APOB: variants seen among roughly 807,000 people sequenced by gnomAD.
The protein encoded by APOB is apolipoprotein B.
APOB carries 153 observed loss-of-function variants against 314.1 expected under a neutral mutation model. That is an observed-to-expected ratio of 0.49 (90% CI 0.43 to 0.56). The LOEUF is 0.56. APOB is among the 20% of genes least tolerant of loss of function. APOB has a pLI of 0.00. For synonymous variants in APOB, 2,087 were observed against 2,036.4 expected (o/e 1.02, Z -0.67); for missense variants, 5,430 against 5,350.7 (o/e 1.01, Z -0.46).
chr2:21,033,309 C>T lies in APOB; in HGVS notation c.1114G>A (p.Glu372Lys), dbSNP rs377139608. 4 of 1,613,880 alleles carry T rather than the reference C, an allele frequency of 2.5e-6. No individual in the cohort carries two copies. Among genetic ancestry groups the T allele is most frequent in the Non-Finnish European group, 3.4e-6 (4 of 1,179,746 alleles). ...AVTSLLPQLI[E>K]VSSPITLQAL... Reference sequence around the variant, plus strand: ...GTAACCATTAGATACCTGGACACCTCAATCAGCTGTGGCAAGAGAGATGTG... The same window carrying T: ...GTAACCATTAGATACCTGGACACCTTAATCAGCTGTGGCAAGAGAGATGTG... Residue 372 changes from glutamate (E) to lysine (K), a missense_variant, in exon 9 of 29, where the codon GAG becomes AAG. Physicochemically the swap from Glu to Lys is moderately conservative, Grantham distance 56. Around this residue, in one of 3 missense-constraint regions of APOB, gnomAD observed 2,085 missense variants for 2,079.7 expected, o/e 1.00. Coordinates refer to ENST00000233242, the MANE Select transcript of APOB (RefSeq NM_000384.3).
chr2:21,005,076 T>C lies in APOB; in HGVS notation c.11788+4A>G, dbSNP rs767778197. On this transcript the variant is annotated splice_donor_region_variant and intron_variant, in intron 26 of 28. Coordinates refer to ENST00000233242, the MANE Select transcript of APOB (RefSeq NM_000384.3). ...TCTAGGAGAGGAGGCAGGATATTTC[T>C]TACCATTTAGTTCATATTCTAGGAA... The C allele has an allele frequency of 5.6e-6, 9 of 1,613,598 alleles. No individual in the cohort carries two copies. Among genetic ancestry groups the C allele is most frequent in the Non-Finnish European group, 7.6e-6 (9 of 1,179,810 alleles).
In APOB at chr2:21,008,317, C is replaced by T; in HGVS notation, c.8551G>A (p.Glu2851Lys). Residue 2851 changes from glutamate to lysine, a missense_variant, in exon 26 of 29, where the codon GAG becomes AAG. Glu to Lys is a moderately conservative substitution (Grantham distance 56). This residue lies in a region of APOB where 3,281 missense variants were observed against 3,171.0 expected (regional missense o/e 1.03). Coordinates refer to ENST00000233242, the MANE Select transcript of APOB (RefSeq NM_000384.3). ...CTTGCCACTGTGTTTGATTTTCCCT[C>T]AATAGCATTTCCAAAAAACAGCATT... ...SEMLFFGNAI[E>K]GKSNTVASLH... 1 of 1,613,042 alleles carries T rather than the reference C, an allele frequency of 6.2e-7. No homozygotes were observed. The highest frequency in any genetic ancestry group is 8.5e-7 in the Non-Finnish European group (1 of 1,179,240).
chr2:21,005,523 T>C lies in APOB; in HGVS notation c.11345A>G (p.Asn3782Ser). Reference sequence around the variant, plus strand: ...TTTTACCTCGGGGAGTGTTGGTAGGTTGAGGGCAAATGATGAAGTTCTCAG... The same window carrying C: ...TTTTACCTCGGGGAGTGTTGGTAGGCTGAGGGCAAATGATGAAGTTCTCAG... ...KKLRTSSFAL[N>S]LPTLPEVKFP... The change falls in exon 26 of 29, where the codon AAC (asparagine) becomes AGC (serine). Residue 3782 changes from asparagine to serine, a missense_variant. Asn to Ser is a conservative substitution (Grantham distance 46). Coordinates refer to ENST00000233242, the MANE Select transcript of APOB (RefSeq NM_000384.3). 1 of 1,614,028 alleles carries C rather than the reference T, an allele frequency of 6.2e-7. No homozygotes were observed. Among genetic ancestry groups the C allele is most frequent in the South Asian group, 1.1e-5 (1 of 91,086 alleles).
In APOB at chr2:21,040,919, C is replaced by T. The variant is rs1250430126; in HGVS notation, c.383+19G>A. 6.2e-7 allele frequency: 1 copy of T among 1,613,684 alleles called. No homozygotes were observed. The highest frequency in any genetic ancestry group is 1.1e-5 in the South Asian group (1 of 90,994). ...GCGGACACACACACATGCGTGTGCT[C>T]ATGTACAACATGACTTACCTGGACA... On this transcript the variant is annotated intron_variant, in intron 4 of 28. Coordinates refer to ENST00000233242, the MANE Select transcript of APOB (RefSeq NM_000384.3).
At chr2:21,043,024 G>T (rs764997512) in intron 2 of APOB, among the ~76,000 whole-genome samples, 13 of 146,920 alleles carry the variant, frequency 8.8e-5, no homozygotes, top group Non-Finnish European at 7.5e-5. Context: ...AGTGATGACA[G>T]ACGGCCACTA....
At position 21,006,332 on chromosome 2, in the gene APOB, A is replaced by T; in HGVS notation, c.10536T>A (p.Thr3512=). 6.2e-7 allele frequency: 1 copy of T among 1,614,066 alleles called. No individual in the cohort carries two copies. The highest frequency in any genetic ancestry group is 8.5e-7 in the Non-Finnish European group (1 of 1,179,968). Residue 3512 remains threonine, a synonymous_variant, in exon 26 of 29, where the codon ACT becomes ACA. Coordinates refer to ENST00000233242, the MANE Select transcript of APOB (RefSeq NM_000384.3). The part of the protein sequence containing the change: ...GSVLSREYSG[T]IASEANTYLN... The stretch of plus-strand genomic sequence containing the variant: ...AGTAAGTGTTGGCCTCACTAGCAAT[A>T]GTTCCTGAATATTCCCGAGAAAGAA...
Position 21,002,443 on chromosome 2 carries a change from T to C in APOB, c.12979A>G (p.Asn4327Asp). 1 of 1,601,906 alleles carries C rather than the reference T, an allele frequency of 6.2e-7. No individual in the cohort carries two copies. The highest frequency in any genetic ancestry group is 8.5e-7 in the Non-Finnish European group (1 of 1,171,790). The change falls in exon 29 of 29, where the codon AAT (asparagine) becomes GAT (aspartate). Residue 4327 changes from asparagine (N) to aspartate (D), a missense_variant. Around this residue, in one of 3 missense-constraint regions of APOB, gnomAD observed 3,281 missense variants for 3,171.0 expected, o/e 1.03. Coordinates refer to ENST00000233242, the MANE Select transcript of APOB (RefSeq NM_000384.3). ...LKEMKFTYLI[N>D]YIQDEINTIF... ...GTGTTGATCTCATCTTGGATATAAT[T>C]AATAAGATAAGTAAATTTCATCTCT...
At chr2:21,032,322 C>T (rs1329827778) in intron 10 of APOB, 32 bp downstream of exon 10, 1 of 1,592,108 alleles carries the variant, frequency 6.3e-7, no homozygotes, top group Non-Finnish European at 8.6e-7. Flanking sequence ...TTCCTCTGCT[C>T]CTAGGAGGAG....
rs2103372351 is a variant in APOB, at chr2:21,025,097, C to T, written c.2272G>A (p.Val758Ile). Residue 758 changes from valine to isoleucine, a missense_variant, in exon 16 of 29, where the codon GTT (valine) becomes ATT (isoleucine). Physicochemically the swap from Val to Ile is conservative, Grantham distance 29 (BLOSUM62 3). Transcript: ENST00000233242. ...QDMVNGIMLS[V>I]EKLIKDLKSK... ...TTCAAATCTTTAATCAGCTTCTCAA[C>T]ACTGAGCATTATTCCATTTACCATA... 6.2e-7 allele frequency: 1 copy of T among 1,614,234 alleles called. No individual in the cohort carries two copies. The highest frequency in any genetic ancestry group is 8.5e-7 in the Non-Finnish European group (1 of 1,180,040).
At chr2:21,028,623 CTCTT>C in intron 12 of APOB, 85 bp from the exon 13 acceptor site, 2 of 930,310 alleles carry the variant, frequency 2.1e-6, no homozygotes, top group South Asian at 1.3e-5. Flanking sequence ...TGTCTGCTAG[CTCTT>C]TCTTAAGCAC....
At chr2:21,028,968 T>C (rs1188768823) in intron 12 of APOB, among the ~76,000 whole-genome samples, 5 of 152,224 alleles carry the variant, frequency 3.3e-5, no homozygotes, top group African/African-American at 9.6e-5. Context: ...TATCCTAGCC[T>C]AAGCTTATTG....
chr2:21,017,383 A>G (rs1222515003), intron 20 of APOB, among the ~76,000 whole-genome samples: 1 of 152,162 alleles, frequency 6.6e-6, no homozygotes, highest in African/African-American at 2.4e-5. Context: ...AAGAAGAGTA[A>G]AACTGGATAC....
chr2:21,029,795 A>C lies in APOB; in HGVS notation c.1471-10T>G. 6.2e-7 allele frequency: 1 copy of C among 1,614,082 alleles called. No individual in the cohort carries two copies. Among genetic ancestry groups the C allele is most frequent in the Non-Finnish European group, 8.5e-7 (1 of 1,180,032 alleles). On this transcript the variant is annotated splice_polypyrimidine_tract_variant and intron_variant, in intron 11 of 28. Transcript: ENST00000233242. ...CCATATTTCCAATGACCTGCATTGA[A>C]GAAAAGAAACAAGAACCCATCAGGG... is the stretch of plus-strand genomic sequence containing the variant.
chr2:21,002,972 A>C lies in APOB; in HGVS notation c.12450T>G (p.Asn4150Lys). The change falls in exon 29 of 29, where the codon AAT (asparagine) becomes AAG (lysine). Residue 4150 changes from asparagine (N) to lysine (K), a missense_variant. By Grantham distance (94) the Asn-to-Lys change is moderately conservative. This residue lies in a region of APOB where 3,281 missense variants were observed against 3,171.0 expected (regional missense o/e 1.03). Transcript: ENST00000233242. ...TYQEWKDKAQ[N>K]LYQELLTQEG... ...CCTGAGTCAACAGTTCCTGGTACAG[A>C]TTCTGGGCCTTGTCCTTCCACTCTT... 4 of 1,600,864 alleles carry C rather than the reference A, an allele frequency of 2.5e-6. No homozygotes were observed. The highest frequency in any genetic ancestry group is 3.4e-6 in the Non-Finnish European group (4 of 1,172,296).
Position 21,002,364 on chromosome 2 carries a change from C to T in APOB, c.13058G>A (p.Cys4353Tyr), listed in dbSNP as rs532575330. 6.2e-7 allele frequency: 1 copy of T among 1,605,750 alleles called. No individual in the cohort carries two copies. The highest frequency in any genetic ancestry group is 1.7e-5 in the Admixed American group (1 of 58,644). Residue 4353 changes from cysteine to tyrosine, a missense_variant, in exon 29 of 29, where the codon TGC becomes TAC. By Grantham distance (194) the Cys-to-Tyr change is radical (BLOSUM62 -2). This residue lies in a region of APOB where 3,281 missense variants were observed against 3,171.0 expected (regional missense o/e 1.03). Transcript: ENST00000233242. ...TTCATTGAACTTATGAAGATTAAGG[C>T]ATAGGTTTTCTTTCAACAATTTAAA... ...YVFKLLKENL[C>Y]LNLHKFNEFI...
chr2:21,028,119 C>G lies in APOB; in HGVS notation c.1830-54G>C. ...GACACACCATGTTATTATCCTTTGA[C>G]TCTTGCACCCCAAGTAAATATGGAT... is the stretch of plus-strand genomic sequence containing the variant. On this transcript the variant is annotated intron_variant, in intron 13 of 28. Coordinates refer to ENST00000233242, the MANE Select transcript of APOB (RefSeq NM_000384.3). 2.3e-6 allele frequency: 3 copies of G among 1,314,800 alleles called. No individual in the cohort carries two copies. In the South Asian group the frequency reaches 3.6e-5, roughly 16 times the overall value. The allele number at this position is 1,314,800 out of a possible 1,614,324, so 81.4% of individuals were successfully genotyped here. A position where few individuals can be genotyped will look rare whatever the true frequency, so the allele number is the denominator to read the frequency against.
rs533755016 is a variant in APOB at position 21,002,268 on chromosome 2, C to G, written c.13154G>C (p.Arg4385Pro). ...TATACTTGGATCAAAATATTCTTCA[C>G]GAAGGGCCATAATGTATTGATGGAT... Reference protein sequence around the residue: ...QQIHQYIMALREEYFDPSIVG... With the variant: ...QQIHQYIMALPEEYFDPSIVG... The change falls in exon 29 of 29, where the codon CGT becomes CCT. Residue 4385 changes from arginine to proline, a missense_variant. By Grantham distance (103) the Arg-to-Pro change is moderately radical. Transcript: ENST00000233242. 1 of 1,613,916 alleles carries G rather than the reference C, an allele frequency of 6.2e-7. No individual in the cohort carries two copies. Among genetic ancestry groups the G allele is most frequent in the East Asian group, 2.2e-5 (1 of 44,866 alleles).
chr2:21,007,973 G>A lies in APOB; in HGVS notation c.8895C>T (p.Ser2965=). Residue 2965 remains serine (S), a synonymous_variant, in exon 26 of 29, where the codon AGC becomes AGT. Transcript: ENST00000233242. The stretch of plus-strand genomic sequence containing the variant: ...AGTTTTGGTTTACTCTTAGGTGTTT[G>A]CTATTGATCTTATTGGACAGTCCAA... ...TSFGLSNKIN[S]KHLRVNQNLV... The A allele has an allele frequency of 6.2e-7, 1 of 1,614,046 alleles. No homozygotes were observed. The highest frequency in any genetic ancestry group is 8.5e-7 in the Non-Finnish European group (1 of 1,179,932).
chr2:21,005,002 A>G, intron 26 of APOB, 78 bp downstream of exon 26: 2 of 1,567,642 alleles, frequency 1.3e-6, no homozygotes, highest in Non-Finnish European at 8.7e-7. Flanking sequence ...TCTACTCACA[A>G]CTAAATACAT....
Sources: gnomAD v4.1 joint callset for allele counts (sites outside exome capture counted in the v4.1 genomes callset) on GRCh38, gnomAD v4.1.1 for gene constraint, gnomAD v4.1.1 regional missense constraint, MANE v1.5 for transcripts, NCBI Gene and HGNC (gene_info 2026-07-23, HGNC 2026-07-21) for gene names.